ZNF721: variants seen among roughly 807,000 people sequenced by gnomAD.
ZNF721 encodes the protein zinc finger protein 721.
ZNF721 carries 2 observed loss-of-function variants against 2.4 expected under a neutral mutation model. The observed-to-expected ratio is 0.82, with a 90% confidence interval of 0.34 to 2.58. ZNF721 has a LOEUF of 2.58. Ranked by LOEUF, ZNF721 falls within the 30% of genes most tolerant of loss-of-function variation. ZNF721 has a pLI of 0.11. For missense variants in ZNF721, 1,187 were observed against 1,085.5 expected, an observed-to-expected ratio of 1.09 and a Z score of -1.31; for synonymous variants, 398 against 381.8, an observed-to-expected ratio of 1.04 and a Z score of -0.50.
rs782162281 is a variant in ZNF721, at chr4:444,075, T to C, written c.392A>G (p.His131Arg). Residue 131 changes from histidine to arginine, a missense_variant, in exon 3 of 3, where the codon CAT becomes CGT. His to Arg is a conservative substitution (Grantham distance 29, BLOSUM62 0). Transcript: ENST00000511833. ...ACAAGTGTAGGGTTTCTCTCCAGCA[T>C]GAATTCCTTTATGTTGAGTTAGGTC... The part of the protein sequence containing the change: ...FSDLTQHKGI[H>R]AGEKPYTCEE... 4.3e-6 allele frequency: 7 copies of C among 1,614,134 alleles called. No homozygotes were observed. In the South Asian group the frequency reaches 6.6e-5, roughly 15 times the overall value.
At chr4:479,432 G>C (rs541994271) in intron 1 of ZNF721, among the ~76,000 whole-genome samples, 1 of 152,298 alleles carries the variant, frequency 6.6e-6, no homozygotes, top group East Asian at 1.9e-4. Context: ...TGGGCACATG[G>C]ATCCCTAGAG....
Position 443,759 on chromosome 4 carries a change from C to T in ZNF721, c.708G>A (p.Leu236=), listed in dbSNP as rs192018843. 15 of 1,613,722 alleles carry T rather than the reference C, an allele frequency of 9.3e-6. No individual in the cohort carries two copies. The African/African-American group carries it at 1.6e-4, about 17-fold the overall frequency. Residue 236 remains leucine, a synonymous_variant, in exon 3 of 3, where the codon CTG becomes CTA. Coordinates refer to ENST00000511833, the MANE Select transcript of ZNF721 (RefSeq NM_133474.4). ...CAGTATGAATTTTCTCATGTTTATTCAGGTGTGAGGAATGCATAAAGGCTT... is the reference window on the plus strand; with the variant it reads ...CAGTATGAATTTTCTCATGTTTATTTAGGTGTGAGGAATGCATAAAGGCTT... ...CGKAFMHSSH[L]NKHEKIHTGE... is the part of the protein sequence containing the mutation.
chr4:460,131 T>C (rs782583338), intron 2 of ZNF721, among the ~76,000 whole-genome samples: 5 of 152,018 alleles, frequency 3.3e-5, no homozygotes, highest in East Asian at 3.9e-4. Context: ...CCCAAATCAA[T>C]AGAACATACA....
Position 444,311 on chromosome 4 carries a change from G to C in ZNF721, c.156C>G (p.Gly52=), listed in dbSNP as rs782503889. 2 of 1,613,978 alleles carry C rather than the reference G, an allele frequency of 1.2e-6. No individual in the cohort carries two copies. Among genetic ancestry groups the C allele is most frequent in the South Asian group, 1.1e-5 (1 of 91,060 alleles). ...CTTTACACACGTTCATACTTTTACA[G>C]CCTTTCCTTAATTGTAAATTATCAT... ...CGHDNLQLRK[G]CKSMNVCKVQ... Residue 52 remains glycine (G), a synonymous_variant, in exon 3 of 3, where the codon GGC becomes GGG. Transcript: ENST00000511833.
chr4:486,081 T>C (rs1553870274), intron 1 of ZNF721, among the ~76,000 whole-genome samples: 1 of 152,192 alleles, frequency 6.6e-6, no homozygotes, highest in Admixed American at 6.5e-5. Context: ...CAGCAGGCTA[T>C]TCTAATATGC....
rs142060444 is a variant in ZNF721 at position 457,450 on chromosome 4, G to A, written c.35-13018C>T. ...CAGTCCCAGCTACAGAATAAAATGT[G>A]TCCAATTTTCATTGTAGACTTAGCT... On this transcript the variant is annotated intron_variant, in intron 2 of 2. Coordinates refer to ENST00000511833, the MANE Select transcript of ZNF721 (RefSeq NM_133474.4). Among the ~76,000 whole-genome samples the A allele has an allele frequency of 1.2e-4, 18 of 152,268 alleles. No homozygotes were observed. In the East Asian group the frequency reaches 3.5e-3, roughly 29 times the overall value.
intron 1 of ZNF721, chr4:474,118 C>A (rs574302181): frequency 8.9e-7 from 1 of 1,117,442 alleles, no homozygotes; most frequent in African/African-American, 1.6e-5. Flanking sequence ...AAGTGAGGCC[C>A]TAACCGAGCT....
intron 2 of ZNF721, among the ~76,000 whole-genome samples, chr4:463,550 T>C (rs1715135653): frequency 6.6e-6 from 1 of 152,170 alleles, no homozygotes; most frequent in Non-Finnish European, 1.5e-5. Flanking sequence ...ATGTGGCACA[T>C]ATACACCATG....
intron 1 of ZNF721, among the ~76,000 whole-genome samples, chr4:494,213 G>T (rs1253193236): frequency 1.4e-5 from 2 of 144,514 alleles, no homozygotes; most frequent in South Asian, 4.3e-4. Flanking sequence ...ACGGAATCTC[G>T]CTCTGTCACC....
At chr4:485,093 T>C (rs1715861193) in intron 1 of ZNF721, among the ~76,000 whole-genome samples, 1 of 152,162 alleles carries the variant, frequency 6.6e-6, no homozygotes, top group African/African-American at 2.4e-5. Flanking sequence ...GATTCCCCAA[T>C]AGGTCAGGAT....
Position 495,393 on chromosome 4 carries a change from C to T in ZNF721, c.-94+3663G>A, listed in dbSNP as rs1716124888. On this transcript the variant is annotated intron_variant, in intron 1 of 2. Transcript: ENST00000511833. ...AAAACAAAAACCAAAAACATGAAAC[C>T]TTCTAAATATAAACATGCACACATA... Among the ~76,000 whole-genome samples, 5 of 147,910 alleles carry T rather than the reference C, an allele frequency of 3.4e-5. 1 individual carries two copies. The South Asian group carries it at 1.1e-3, about 31-fold the overall frequency.
chr4:483,771 C>T (rs1237170268), intron 1 of ZNF721, among the ~76,000 whole-genome samples: 1 of 152,154 alleles, frequency 6.6e-6, no homozygotes, highest in Non-Finnish European at 1.5e-5. Flanking sequence ...CGAAATATTA[C>T]ATATTTAATC....
intron 1 of ZNF721, 130 bp from the exon 2 acceptor site, chr4:472,831 C>G (rs1715480650): frequency 7.9e-7 from 1 of 1,259,622 alleles, no homozygotes. Context: ...CAGTAATGTT[C>G]TCTAAAGTAT....
chr4:444,171 T>A lies in ZNF721; in HGVS notation c.296A>T (p.Asp99Val), dbSNP rs1383954134. The A allele has an allele frequency of 1.2e-6, 2 of 1,614,028 alleles. No individual in the cohort carries two copies. Among genetic ancestry groups the A allele is most frequent in the Admixed American group, 1.7e-5 (1 of 60,010 alleles). ...TTTCTCTCCAGTATGTCTTGTCTTATCTTTGTTTGAATTTGCAAATTTACT... is the reference window on the plus strand; with the variant it reads ...TTTCTCTCCAGTATGTCTTGTCTTAACTTTGTTTGAATTTGCAAATTTACT... ...VFSKFANSNK[D>V]KTRHTGEKHF... is the part of the protein sequence containing the mutation. Residue 99 changes from aspartate (D) to valine (V), a missense_variant, in exon 3 of 3, where the codon GAT (aspartate) becomes GTT (valine). Asp to Val is a radical substitution (Grantham distance 152, BLOSUM62 -3). Coordinates refer to ENST00000511833, the MANE Select transcript of ZNF721 (RefSeq NM_133474.4).
chr4:463,844 T>C (rs1553866421), intron 2 of ZNF721, among the ~76,000 whole-genome samples: 1 of 152,124 alleles, frequency 6.6e-6, no homozygotes, highest in Admixed American at 6.6e-5. Context: ...CACCATGGCA[T>C]GTGTATACCT....
At position 444,283 on chromosome 4, in the gene ZNF721, G is replaced by T; in HGVS notation, c.184C>A (p.Gln62Lys). The change falls in exon 3 of 3, where the codon CAG becomes AAG. Residue 62 changes from glutamine (Q) to lysine (K), a missense_variant. Gln to Lys is a moderately conservative substitution (Grantham distance 53). Transcript: ENST00000511833. ...GCKSMNVCKV[Q>K]KGVYNGINKC... ...TTAATTCCATTATAAACTCCCTTCTGCACTTTACACACGTTCATACTTTTA... is the reference window on the plus strand; with the variant it reads ...TTAATTCCATTATAAACTCCCTTCTTCACTTTACACACGTTCATACTTTTA... 1 of 1,613,958 alleles carries T rather than the reference G, an allele frequency of 6.2e-7. No individual in the cohort carries two copies. The highest frequency in any genetic ancestry group is 8.5e-7 in the Non-Finnish European group (1 of 1,179,962).
At chr4:498,882 G>T (rs1553873424) in intron 1 of ZNF721, among the ~76,000 whole-genome samples, 174 bp downstream of exon 1, 1 of 151,880 alleles carries the variant, frequency 6.6e-6, no homozygotes, top group African/African-American at 2.4e-5. Flanking sequence ...CCGCCATCAC[G>T]CCCCGCTAAT....
chr4:474,234 T>C (rs1715564008), intron 1 of ZNF721: 1 of 379,178 alleles, frequency 2.6e-6, no homozygotes, highest in African/African-American at 2.1e-5. Flanking sequence ...TCTGATTGGA[T>C]ATGGGTCCAG....
chr4:494,815 C>T (rs1553871991), intron 1 of ZNF721, among the ~76,000 whole-genome samples: 1 of 151,960 alleles, frequency 6.6e-6, no homozygotes, highest in African/African-American at 2.4e-5. Context: ...TAGGGAAAGC[C>T]CACACTGAGT....
Sources: allele counts gnomAD v4.1 joint callset (sites outside exome capture counted in the v4.1 genomes callset), GRCh38; gene constraint gnomAD v4.1.1; transcripts MANE v1.5; gene names NCBI Gene and HGNC (gene_info 2026-07-23, HGNC 2026-07-21).